SLIT3: variants seen among roughly 807,000 people sequenced by gnomAD.
SLIT3 encodes the protein slit guidance ligand 3, also known as slit homolog 3 protein.
In SLIT3, 68 loss-of-function variants were observed where a neutral mutation model predicts 184.0. That is an observed-to-expected ratio of 0.37 (90% CI 0.30 to 0.45). SLIT3 has a LOEUF of 0.45. Ranked by LOEUF, SLIT3 falls within the 20% of genes least tolerant of loss-of-function variation. SLIT3 has a pLI of 1.00. For synonymous variants in SLIT3, 831 were observed against 828.6 expected (o/e 1.00, Z -0.05); for missense variants, 1,707 against 2,026.0 (o/e 0.84, Z 3.02).
At chr5:168,863,511 T>G (rs1414217917) in intron 5 of SLIT3, among the ~76,000 whole-genome samples, 1 of 152,198 alleles carries the variant, frequency 6.6e-6, no homozygotes, top group African/African-American at 2.4e-5. Context: ...CATTCAAAAC[T>G]GACAGCCACA....
intron 1 of SLIT3, 101 bp from the exon 2 acceptor site, chr5:169,251,560 G>A: frequency 1.2e-6 from 1 of 801,542 alleles, no homozygotes; most frequent in Non-Finnish European, 2.2e-6. Context: ...TTGTCCAGAA[G>A]GCGGCAATTC....
chr5:168,831,732 T>C (rs1283717299), intron 6 of SLIT3, among the ~76,000 whole-genome samples: 2 of 152,204 alleles, frequency 1.3e-5, no homozygotes, highest in African/African-American at 2.4e-5. Context: ...CCAGGTGTCA[T>C]GTAAAACCTA....
intron 4 of SLIT3, among the ~76,000 whole-genome samples, chr5:169,109,431 G>T (rs1760331596): frequency 6.6e-6 from 1 of 152,214 alleles, no homozygotes; most frequent in Non-Finnish European, 1.5e-5. Flanking sequence ...AGATGAAAAT[G>T]CAGTCCAACC....
At chr5:169,122,976 T>C (rs1048442371) in intron 4 of SLIT3, among the ~76,000 whole-genome samples, 2 of 152,168 alleles carry the variant, frequency 1.3e-5, no homozygotes, top group Non-Finnish European at 2.9e-5. Context: ...GAGAAATAAT[T>C]ACTCTTTATA....
At chr5:168,844,167 C>G (rs141295403) in intron 6 of SLIT3, among the ~76,000 whole-genome samples, 1,562 of 152,232 alleles carry the variant, frequency 0.01, 29 homozygotes, top group Non-Finnish European at 0.012. Context: ...GGCACTAACC[C>G]CTCTCTCTGG....
At chr5:169,155,404 TC>T (rs1246188659) in intron 4 of SLIT3, among the ~76,000 whole-genome samples, 1 of 152,112 alleles carries the variant, frequency 6.6e-6, no homozygotes, top group Admixed American at 6.6e-5. Flanking sequence ...ATAATTTGGA[TC>T]TGAAATTAAT....
chr5:169,124,507 A>G (rs891363824), intron 4 of SLIT3, among the ~76,000 whole-genome samples: 3 of 152,220 alleles, frequency 2.0e-5, no homozygotes, highest in African/African-American at 7.2e-5. Flanking sequence ...TTGATTCCAG[A>G]TACCACTTCA....
chr5:168,730,993 A>G (rs1421222984), intron 20 of SLIT3, among the ~76,000 whole-genome samples: 4 of 152,076 alleles, frequency 2.6e-5, no homozygotes, highest in Non-Finnish European at 5.9e-5. Context: ...AACAAAAGAA[A>G]AAGTTGGTTC....
chr5:169,065,836 C>A (rs1434386271), intron 4 of SLIT3, among the ~76,000 whole-genome samples: 1 of 152,202 alleles, frequency 6.6e-6, no homozygotes, highest in Non-Finnish European at 1.5e-5. Context: ...TTTATGATTC[C>A]ATCAAGGCTA....
At chr5:169,266,435 A>G (rs776068373) in intron 1 of SLIT3, among the ~76,000 whole-genome samples, 1 of 152,234 alleles carries the variant, frequency 6.6e-6, no homozygotes, top group African/African-American at 2.4e-5. Flanking sequence ...GGTGGAAATA[A>G]TACGTGCCAT....
chr5:169,243,949 C>T (rs1765489829), intron 3 of SLIT3, among the ~76,000 whole-genome samples: 1 of 152,252 alleles, frequency 6.6e-6, no homozygotes, highest in Admixed American at 6.5e-5. Context: ...ATGTTATGAG[C>T]TGCCAGATGT....
At chr5:168,843,212 T>TCGTGGAATCAC (rs1758329330) in intron 6 of SLIT3, among the ~76,000 whole-genome samples, 1 of 152,146 alleles carries the variant, frequency 6.6e-6, no homozygotes, top group Non-Finnish European at 1.5e-5. Flanking sequence ...CCGTGATTCC[T>TCGTGGAATCAC]CTTGGAATCA....
chr5:169,273,484 T>C (rs1766697132), intron 1 of SLIT3, among the ~76,000 whole-genome samples: 1 of 152,186 alleles, frequency 6.6e-6, no homozygotes, highest in South Asian at 2.1e-4. Context: ...TGATTCCCAG[T>C]CTTGGCTGCA....
intron 29 of SLIT3, among the ~76,000 whole-genome samples, chr5:168,687,439 A>T (rs935244237): frequency 6.6e-6 from 1 of 152,184 alleles, no homozygotes; most frequent in Non-Finnish European, 1.5e-5. Flanking sequence ...GCACTGTGCT[A>T]TGCCCCTTTC....
intron 4 of SLIT3, among the ~76,000 whole-genome samples, chr5:168,933,720 G>A (rs17070616): frequency 0.019 from 2,926 of 152,288 alleles, 105 homozygotes; most frequent in African/African-American, 0.067. Flanking sequence ...TGAGTAAAGG[G>A]TTGGAGAGAA....
intron 4 of SLIT3, among the ~76,000 whole-genome samples, chr5:169,084,598 G>C (rs999989817): frequency 6.6e-6 from 1 of 151,816 alleles, no homozygotes. Flanking sequence ...GTGTGCCACC[G>C]TGCCCAGCCT....
intron 4 of SLIT3, among the ~76,000 whole-genome samples, chr5:168,917,343 T>C (rs1761476612): frequency 6.6e-6 from 1 of 152,226 alleles, no homozygotes; most frequent in African/African-American, 2.4e-5. Context: ...CCTGCTCTGC[T>C]GTGGTCCTGG....
intron 4 of SLIT3, among the ~76,000 whole-genome samples, chr5:169,086,099 C>T (rs984293486): frequency 6.6e-6 from 1 of 152,212 alleles, no homozygotes; most frequent in Non-Finnish European, 1.5e-5. Context: ...CCAACGTGTC[C>T]TTCAGAAGCT....
At chr5:169,116,405 C>A (rs1166472586) in intron 4 of SLIT3, among the ~76,000 whole-genome samples, 2 of 152,138 alleles carry the variant, frequency 1.3e-5, no homozygotes, top group Admixed American at 1.3e-4. Context: ...AGGACTTCAT[C>A]ATTGGCAATA....
Sources: allele counts gnomAD v4.1 joint callset (sites outside exome capture counted in the v4.1 genomes callset), GRCh38; gene constraint gnomAD v4.1.1; transcripts MANE v1.5; gene names NCBI Gene and HGNC (gene_info 2026-07-23, HGNC 2026-07-21).